GAL: variants seen among roughly 807,000 people sequenced by gnomAD.
The protein encoded by GAL is galanin peptides.
Under a neutral mutation model 15.8 loss-of-function variants are expected in GAL, and 14 were observed. That is an observed-to-expected ratio of 0.89 (90% CI 0.59 to 1.39). The LOEUF (loss-of-function observed/expected upper bound fraction) is 1.39. Ranked by LOEUF, GAL falls within the 40% of genes most tolerant of loss-of-function variation. The probability of loss-of-function intolerance (pLI) is 0.00; values close to 1 mark genes in which losing one functional copy is unlikely to be tolerated. For synonymous variants in GAL, 79 were observed against 73.8 expected (o/e 1.07, Z -0.36); for missense variants, 176 against 170.4 (o/e 1.03, Z -0.18).
chr11:68,689,622 C>A (rs919928275), intron 5 of GAL, among the ~76,000 whole-genome samples: 1 of 152,196 alleles, frequency 6.6e-6, no homozygotes, highest in Non-Finnish European at 1.5e-5. Flanking sequence ...ATCTTGAACT[C>A]CTGGCCTCAA....
intron 1 of GAL, 80 bp from the exon 2 acceptor site, chr11:68,684,844 C>T (rs1159794710): frequency 2.4e-6 from 2 of 847,336 alleles, no homozygotes; most frequent in South Asian, 1.5e-5. Context: ...CTCTGCTCCT[C>T]CCCGCAGCCC....
intron 4 of GAL, 67 bp from the exon 5 acceptor site, chr11:68,688,781 AG>A: frequency 1.3e-6 from 1 of 787,434 alleles, no homozygotes; most frequent in Non-Finnish European, 2.3e-6. Flanking sequence ...CTCTGTAGGG[AG>A]GGGGATGACC....
At chr11:68,687,750 C>A (rs1002455455) in intron 3 of GAL, among the ~76,000 whole-genome samples, 2 of 152,170 alleles carry the variant, frequency 1.3e-5, no homozygotes, top group South Asian at 2.1e-4. Context: ...GCCTCTCCCC[C>A]ACTTCAGGAG....
intron 5 of GAL, among the ~76,000 whole-genome samples, chr11:68,689,277 T>C (rs1945883799): frequency 6.6e-6 from 1 of 152,224 alleles, no homozygotes; most frequent in Non-Finnish European, 1.5e-5. Context: ...CAGGCCAAGT[T>C]CTTTGTGAAC....
intron 5 of GAL, among the ~76,000 whole-genome samples, chr11:68,690,336 C>A (rs1945893596): frequency 6.6e-6 from 1 of 152,146 alleles, no homozygotes; most frequent in African/African-American, 2.4e-5. Context: ...CAAGGCTAAT[C>A]CTTGGGTTCA....
At chr11:68,687,930 G>A (rs1749926886) in intron 3 of GAL, 84 bp from the exon 4 acceptor site, 1 of 828,408 alleles carries the variant, frequency 1.2e-6, no homozygotes, top group African/African-American at 1.7e-5. Flanking sequence ...GTTGGCTACA[G>A]GCAGCCCTGT....
Position 68,684,991 on chromosome 11 carries a change from G to C in GAL, c.68G>C (p.Gly23Ala), listed in dbSNP as rs1360239843. The C allele has an allele frequency of 1.2e-6, 2 of 1,600,594 alleles. No individual in the cohort carries two copies. Among genetic ancestry groups the C allele is most frequent in the Middle Eastern group, 3.4e-4 (2 of 5,964 alleles). The change falls in exon 2 of 6, where the codon GGG becomes GCG. Residue 23 changes from glycine to alanine, a missense_variant. Physicochemically the swap from Gly to Ala is moderately conservative, Grantham distance 60 (BLOSUM62 0). Coordinates refer to ENST00000265643, the MANE Select transcript of GAL (RefSeq NM_015973.5). ...GCCGCGGCCCTTTCTGCCTCTGCGG[G>C]GCTCTGGTCGCCGGTAAGTGCGGGG... ...LLAAALSASA[G>A]LWSPAKEKRG...
chr11:68,690,889 T>G, intron 5 of GAL, 28 bp from the exon 6 acceptor site: 1 of 1,500,668 alleles, frequency 6.7e-7, no homozygotes, highest in Non-Finnish European at 9.3e-7. Flanking sequence ...AAGAAGTTGC[T>G]GCTCAGATGT....
chr11:68,690,830 C>T, intron 5 of GAL, 87 bp from the exon 6 acceptor site: 1 of 867,150 alleles, frequency 1.2e-6, no homozygotes. Flanking sequence ...CGACCACACG[C>T]CGCTTCCTGT....
At chr11:68,687,888 G>A (rs1945868499) in intron 3 of GAL, 126 bp from the exon 4 acceptor site, 2 of 657,976 alleles carry the variant, frequency 3.0e-6, no homozygotes, top group African/African-American at 3.6e-5. Flanking sequence ...TCTGTCCCTG[G>A]GCTCTATTTC....
At chr11:68,687,852 G>A (rs972124799) in intron 3 of GAL, among the ~76,000 whole-genome samples, 162 bp from the exon 4 acceptor site, 4 of 152,114 alleles carry the variant, frequency 2.6e-5, no homozygotes, top group Admixed American at 1.3e-4. Context: ...TCAGCTGGGT[G>A]GAGAATCGCT....
chr11:68,687,903 T>TCGAGTTG (rs1452607404), intron 3 of GAL, 111 bp from the exon 4 acceptor site: 1 of 692,912 alleles, frequency 1.4e-6, no homozygotes, highest in African/African-American at 1.7e-5. Flanking sequence ...TATTTCACAG[T>TCGAGTTG]CGAGTTGCGT....
intron 5 of GAL, among the ~76,000 whole-genome samples, chr11:68,689,810 G>T (rs182079967): frequency 5.9e-5 from 9 of 152,342 alleles, no homozygotes; most frequent in East Asian, 1.9e-4. Context: ...AACTGGAAAG[G>T]CTCTGATCCT....
intron 4 of GAL, among the ~76,000 whole-genome samples, chr11:68,688,570 A>G (rs1226164857): frequency 6.6e-6 from 1 of 152,216 alleles, no homozygotes; most frequent in East Asian, 1.9e-4. Flanking sequence ...CGGAGGTTGC[A>G]GTGAGCCAAG....
Position 68,684,916 on chromosome 11 carries a change from C to G in GAL, c.1-8C>G, listed in dbSNP as rs1201868113. On this transcript the variant is annotated splice_polypyrimidine_tract_variant and splice_region_variant and intron_variant, in intron 1 of 5. Coordinates refer to ENST00000265643, the MANE Select transcript of GAL (RefSeq NM_015973.5). ...TTCCGACCCGCCCGCCCTGTCCTTC[C>G]CTTCCAGATGGCCCGAGGCAGCGCC... is the stretch of plus-strand genomic sequence containing the variant. 6.3e-7 allele frequency: 1 copy of G among 1,595,304 alleles called. No homozygotes were observed. The highest frequency in any genetic ancestry group is 1.3e-5 in the African/African-American group (1 of 74,622).
chr11:68,690,116 G>C (rs1594276137), intron 5 of GAL, among the ~76,000 whole-genome samples: 1 of 152,052 alleles, frequency 6.6e-6, no homozygotes, highest in East Asian at 1.9e-4. Flanking sequence ...CTCTCCAGCA[G>C]AGAAGACCTT....
intron 3 of GAL, among the ~76,000 whole-genome samples, chr11:68,687,510 C>G (rs1341002848): frequency 1.3e-5 from 2 of 152,066 alleles, no homozygotes; most frequent in African/African-American, 4.8e-5. Context: ...TGTCTCTCTC[C>G]TTCTCTCTCT....
chr11:68,688,749 T>C (rs1174598175), intron 4 of GAL, 100 bp from the exon 5 acceptor site: 2 of 701,414 alleles, frequency 2.9e-6, no homozygotes, highest in East Asian at 5.3e-5. Context: ...GATCAGATCA[T>C]TGACCTTGCA....
intron 3 of GAL, among the ~76,000 whole-genome samples, chr11:68,687,748 C>T (rs1397872681): frequency 6.6e-6 from 1 of 152,128 alleles, no homozygotes; most frequent in Non-Finnish European, 1.5e-5. Context: ...GGGCCTCTCC[C>T]CCACTTCAGG....
Sources: gnomAD v4.1 joint callset for allele counts (sites outside exome capture counted in the v4.1 genomes callset) on GRCh38, gnomAD v4.1.1 for gene constraint, MANE v1.5 for transcripts, NCBI Gene and HGNC (gene_info 2026-07-23, HGNC 2026-07-21) for gene names.